FXYD6: variants seen among roughly 807,000 people sequenced by gnomAD.
The protein encoded by FXYD6 is FXYD domain containing ion transport regulator 6.
Under a neutral mutation model 16.7 loss-of-function variants are expected in FXYD6, and 7 were observed. The observed-to-expected ratio is 0.42, with a 90% CI of 0.24 to 0.79. FXYD6 has a LOEUF of 0.79. FXYD6 is among the 30% of genes least tolerant of loss of function. The probability of loss-of-function intolerance (pLI) is 0.28; values close to 1 mark genes in which losing one functional copy is unlikely to be tolerated. For missense variants in FXYD6, 111 were observed against 116.2 expected, an observed-to-expected ratio of 0.95 and a Z score of 0.21; for synonymous variants, 49 against 43.0, an observed-to-expected ratio of 1.14 and a Z score of -0.54.
chr11:117,867,812 A>G (rs1591592240), intron 1 of FXYD6, among the ~76,000 whole-genome samples: 1 of 151,864 alleles, frequency 6.6e-6, no homozygotes, highest in East Asian at 1.9e-4. Flanking sequence ...CCCTGGTTGT[A>G]CCTTAGGATC....
chr11:117,859,141 G>A (rs1052258362), intron 1 of FXYD6, among the ~76,000 whole-genome samples: 5 of 152,156 alleles, frequency 3.3e-5, no homozygotes, highest in African/African-American at 1.2e-4. Context: ...ATGTGGCTAT[G>A]AGATACATCT....
In FXYD6 at chr11:117,840,318, C is replaced by T; in HGVS notation, c.259+1G>A. 1 of 1,614,176 alleles carries T rather than the reference C, an allele frequency of 6.2e-7. No individual in the cohort carries two copies. The highest frequency in any genetic ancestry group is 8.5e-7 in the Non-Finnish European group (1 of 1,180,030). On this transcript the variant is annotated splice_donor_variant, in intron 6 of 7. Coordinates refer to ENST00000526014, the MANE Select transcript of FXYD6 (RefSeq NM_022003.4). LOFTEE classifies it high-confidence loss of function. The stretch of plus-strand genomic sequence containing the variant: ...CTGGGCAGGTGGTCACGGACAGTTA[C>T]CATTGGCGGTGATGAGGTTCTCCAC...
At chr11:117,850,314 ATG>A (rs1209029782) in intron 1 of FXYD6, among the ~76,000 whole-genome samples, 2 of 151,504 alleles carry the variant, frequency 1.3e-5, no homozygotes, top group African/African-American at 4.9e-5. Context: ...GGCCGATAAC[ATG>A]TCTCTTAGAA....
At position 117,842,350 on chromosome 11, in the gene FXYD6, G is replaced by C. The variant is rs979989321; in HGVS notation, c.59-322C>G. Reference sequence around the variant, plus strand: ...TCCTCTTGTGACACACGGAGAAACCGAGACCAAGGAAGGACATATGACTTG... The same window carrying C: ...TCCTCTTGTGACACACGGAGAAACCCAGACCAAGGAAGGACATATGACTTG... On this transcript the variant is annotated intron_variant, in intron 2 of 7. Coordinates refer to ENST00000526014, the MANE Select transcript of FXYD6 (RefSeq NM_022003.4). 1.1e-5 allele frequency: 6 copies of C among 560,966 alleles called. No individual in the cohort carries two copies. In the East Asian group the frequency reaches 1.5e-4, roughly 14 times the overall value. 34.7% of individuals were successfully genotyped at this position (560,966 alleles called of 1,614,324 possible).
intron 1 of FXYD6, among the ~76,000 whole-genome samples, chr11:117,856,159 T>C (rs1430273629): frequency 1.3e-5 from 2 of 152,158 alleles, no homozygotes; most frequent in African/African-American, 4.8e-5. Context: ...GGCAATTATC[T>C]TCCCATACTG....
chr11:117,868,567 A>G (rs148780908), intron 1 of FXYD6, among the ~76,000 whole-genome samples: 69 of 152,298 alleles, frequency 4.5e-4, no homozygotes, highest in African/African-American at 1.6e-3. Flanking sequence ...GCACGACTCA[A>G]TGGAGTGTGG....
chr11:117,865,746 C>T (rs925971509), intron 1 of FXYD6, among the ~76,000 whole-genome samples: 2 of 151,968 alleles, frequency 1.3e-5, no homozygotes, highest in Non-Finnish European at 1.5e-5. Flanking sequence ...GCCAACACGG[C>T]GAAACTCCAT....
At chr11:117,839,578 T>A (rs929848633) in intron 7 of FXYD6, 22 of 553,688 alleles carry the variant, frequency 4.0e-5, no homozygotes, top group Non-Finnish European at 6.4e-5. Flanking sequence ...GGCATGCATG[T>A]GTGTGGGACA....
chr11:117,841,135 A>G lies in FXYD6; in HGVS notation c.209+13T>C. The G allele has an allele frequency of 1.2e-6, 2 of 1,613,962 alleles. No individual in the cohort carries two copies. Among genetic ancestry groups the G allele is most frequent in the Non-Finnish European group, 1.7e-6 (2 of 1,179,980 alleles). On this transcript the variant is annotated intron_variant, in intron 5 of 7. Coordinates refer to ENST00000526014, the MANE Select transcript of FXYD6 (RefSeq NM_022003.4). ...GTATCACCCCCCCAAGGCCACTGCC[A>G]CGGCATCCTTACCGGGGCTTCTGAT...
At position 117,865,879 on chromosome 11, in the gene FXYD6, G is replaced by C. The variant is rs1807173; in HGVS notation, c.-6+10713C>G. ...GTGGTGGAGGTTGCAGTGAGATCGT[G>C]CCATTGCACTCCAGCCTGGGCGACA... On this transcript the variant is annotated intron_variant, in intron 1 of 7. Coordinates refer to ENST00000526014, the MANE Select transcript of FXYD6 (RefSeq NM_022003.4). Among the ~76,000 whole-genome samples the C allele has an allele frequency of 0.012, 1,895 of 151,662 alleles. 179 individuals carry two copies. The East Asian group carries it at 0.19, about 15-fold the overall frequency.
At chr11:117,842,168 G>T in intron 2 of FXYD6, 140 bp from the exon 3 acceptor site, 1 of 1,324,262 alleles carries the variant, frequency 7.6e-7, no homozygotes, top group Non-Finnish European at 1.0e-6. Context: ...GCCTAGAGGT[G>T]CACGGTAGGG....
At chr11:117,842,588 G>A in intron 2 of FXYD6, 131 bp downstream of exon 2, 3 of 887,922 alleles carry the variant, frequency 3.4e-6, no homozygotes, top group South Asian at 1.6e-5. Context: ...TGAAGGGAGA[G>A]GCCCCTGACT....
intron 1 of FXYD6, among the ~76,000 whole-genome samples, chr11:117,863,818 A>G (rs192116676): frequency 1.6e-4 from 25 of 152,298 alleles, no homozygotes; most frequent in African/African-American, 5.5e-4. Context: ...ATACATTAAC[A>G]ATAAAAAATC....
In FXYD6 at chr11:117,842,801, A is replaced by T; in HGVS notation, c.-5-20T>A. 1 of 1,554,160 alleles carries T rather than the reference A, an allele frequency of 6.4e-7. No homozygotes were observed. Among genetic ancestry groups the T allele is most frequent in the Non-Finnish European group, 8.7e-7 (1 of 1,148,344 alleles). On this transcript the variant is annotated intron_variant, in intron 1 of 7. Transcript: ENST00000526014. ...TGGCGTCTGGGGACAGAGGGAGGAA[A>T]AAATGATTCTCTGGCTAAGAAGCCT...
chr11:117,869,511 C>T (rs559003361), intron 1 of FXYD6, among the ~76,000 whole-genome samples: 32 of 152,310 alleles, frequency 2.1e-4, no homozygotes, highest in African/African-American at 5.3e-4. Flanking sequence ...TGGACTCAAC[C>T]GGCCCAGACC....
upstream of FXYD6, chr11:117,877,358 G>C (rs2057291652): frequency 6.6e-6 from 1 of 152,266 alleles, no homozygotes; most frequent in East Asian, 1.9e-4. Flanking sequence ...CTCTGGCCCT[G>C]CCAGGAGCAG....
intron 7 of FXYD6, chr11:117,838,628 C>G (rs76425189): frequency 0.027 from 7,462 of 274,200 alleles, 160 homozygotes; most frequent in Middle Eastern, 0.052. Context: ...TGAGCCTTCC[C>G]AGATTCTCAG....
At chr11:117,876,849 C>G (rs187942527), upstream of FXYD6, 694 of 152,510 alleles carry the variant, frequency 4.6e-3, 9 homozygotes, top group East Asian at 0.053. Flanking sequence ...CAGACCCCCT[C>G]TCCTCCTCTC....
chr11:117,859,132 T>C (rs1161464455), intron 1 of FXYD6, among the ~76,000 whole-genome samples: 2 of 152,150 alleles, frequency 1.3e-5, no homozygotes, highest in South Asian at 2.1e-4. Context: ...CATTTGCTTA[T>C]GTGGCTATGA....
Sources: allele counts gnomAD v4.1 joint callset (sites outside exome capture counted in the v4.1 genomes callset), GRCh38; gene constraint gnomAD v4.1.1; transcripts MANE v1.5; gene names NCBI Gene and HGNC (gene_info 2026-07-23, HGNC 2026-07-21).